Variants in TLR10 observed in about 807,000 individuals in gnomAD.
TLR10 encodes the protein toll like receptor 10.
For missense variants in TLR10, 929 were observed against 932.9 expected (o/e 1.00, Z 0.05); for synonymous variants, 288 against 338.8 (o/e 0.85, Z 1.65).
At chr4:38,781,893 T>C (rs1725436267) in intron 1 of TLR10, among the ~76,000 whole-genome samples, 1 of 152,164 alleles carries the variant, frequency 6.6e-6, no homozygotes, top group Non-Finnish European at 1.5e-5. Flanking sequence ...AATCCCTCAA[T>C]GACTCAACAA....
At position 38,773,117 on chromosome 4, in the gene TLR10, G is replaced by A; in HGVS notation, c.*38C>T. 6.7e-7 allele frequency: 1 copy of A among 1,495,046 alleles called. No homozygotes were observed. The highest frequency in any genetic ancestry group is 8.9e-7 in the Non-Finnish European group (1 of 1,127,236). 92.6% of individuals were successfully genotyped at this position (1,495,046 alleles called of 1,614,324 possible). A position where few individuals can be genotyped will look rare whatever the true frequency, so the allele number is the denominator to read the frequency against. On this transcript the variant is annotated 3_prime_UTR_variant, in exon 4 of 4. Coordinates refer to ENST00000308973, the MANE Select transcript of TLR10 (RefSeq NM_030956.4). ...GGTTGTATCAATGTACATCCCAACAGTGTATGTGGTCCCCAACTTCCCAAG... is the reference window on the plus strand; with the variant it reads ...GGTTGTATCAATGTACATCCCAACAATGTATGTGGTCCCCAACTTCCCAAG...
chr4:38,774,396 A>C lies in TLR10; in HGVS notation c.1195T>G (p.Leu399Val). Reference protein sequence around the residue: ...LVSCFANNTPLEHLDLSQNLL... With the variant: ...LVSCFANNTPVEHLDLSQNLL... ...TTTTGACTCAGATCCAAGTGTTCCA[A>C]GGGTGTGTTGTTAGCAAAGCAACTT... The change falls in exon 4 of 4, where the codon TTG becomes GTG. Residue 399 changes from leucine to valine, a missense_variant. By Grantham distance (32) the Leu-to-Val change is conservative. Coordinates refer to ENST00000308973, the MANE Select transcript of TLR10 (RefSeq NM_030956.4). The C allele has an allele frequency of 6.2e-7, 1 of 1,613,472 alleles. No homozygotes were observed. The highest frequency in any genetic ancestry group is 8.5e-7 in the Non-Finnish European group (1 of 1,179,828).
chr4:38,778,302 G>A (rs1423868452), intron 1 of TLR10, among the ~76,000 whole-genome samples: 1 of 152,134 alleles, frequency 6.6e-6, no homozygotes, highest in Non-Finnish European at 1.5e-5. Flanking sequence ...GGCTAGGGGA[G>A]GAATAGCATT....
At chr4:38,781,119 C>T (rs569181219) in intron 1 of TLR10, among the ~76,000 whole-genome samples, 1 of 152,258 alleles carries the variant, frequency 6.6e-6, no homozygotes, top group Non-Finnish European at 1.5e-5. Flanking sequence ...CTTAATATAA[C>T]AATAGTAAAG....
rs1724678146 is a variant in TLR10, at chr4:38,772,362, C to T, written c.*793G>A. The T allele has an allele frequency of 6.6e-6, 1 of 152,092 alleles. No homozygotes were observed. The highest frequency in any genetic ancestry group is 1.5e-5 in the Non-Finnish European group (1 of 68,018). The allele number at this position is 152,092 out of a possible 1,614,324, so 9.4% of individuals were successfully genotyped here. ...CAAATGCTCCCTGTAATCCAACCTC[C>T]CAGACCCAAACCACTGTTACTACAT... On this transcript the variant is annotated 3_prime_UTR_variant, in exon 4 of 4. Coordinates refer to ENST00000308973, the MANE Select transcript of TLR10 (RefSeq NM_030956.4).
chr4:38,773,571 G>T lies in TLR10; in HGVS notation c.2020C>A (p.Pro674Thr). 6.2e-7 allele frequency: 1 copy of T among 1,605,998 alleles called. No individual in the cohort carries two copies. Among genetic ancestry groups the T allele is most frequent in the Non-Finnish European group, 8.5e-7 (1 of 1,176,550 alleles). The change falls in exon 4 of 4, where the codon CCT (proline) becomes ACT (threonine). Residue 674 changes from proline (P) to threonine (T), a missense_variant. Pro to Thr is a conservative substitution (Grantham distance 38). Transcript: ENST00000308973. ...LICLYESYFD[P>T]GKSISENIVS... ...ATATTTTCACTAATGCTTTTGCCAG[G>T]GTCAAAGTAGCTTTCATAAAGGCAA...
At position 38,775,893 on chromosome 4, in the gene TLR10, T is replaced by C. The variant is rs1429806811; in HGVS notation, c.-181A>G. On this transcript the variant is annotated 5_prime_UTR_variant, in exon 3 of 4. Coordinates refer to ENST00000308973, the MANE Select transcript of TLR10 (RefSeq NM_030956.4). Reference sequence around the variant, plus strand: ...GGATTCTCAGAGAGGAGAAGCATAATGGACCTTTGGTTTAAGAACTGCATT... The same window carrying C: ...GGATTCTCAGAGAGGAGAAGCATAACGGACCTTTGGTTTAAGAACTGCATT... 2 of 237,882 alleles carry C rather than the reference T, an allele frequency of 8.4e-6. No individual in the cohort carries two copies. Among genetic ancestry groups the C allele is most frequent in the Admixed American group, 4.9e-5 (1 of 20,224 alleles). The allele number at this position is 237,882 out of a possible 1,614,324, so 14.7% of individuals were successfully genotyped here. A position where few individuals can be genotyped will look rare whatever the true frequency, so the allele number is the denominator to read the frequency against.
Position 38,773,064 on chromosome 4 carries a change from A to T in TLR10, c.*91T>A. On this transcript the variant is annotated 3_prime_UTR_variant, in exon 4 of 4. Transcript: ENST00000308973. The stretch of plus-strand genomic sequence containing the variant: ...AAGGGAATAACCATTTTTTATTTTA[A>T]TAAATATTGTCAAATTGCCATCATA... 8.1e-7 allele frequency: 1 copy of T among 1,238,582 alleles called. No homozygotes were observed. 76.7% of individuals were successfully genotyped at this position (1,238,582 alleles called of 1,614,324 possible). A position where few individuals can be genotyped will look rare whatever the true frequency, so the allele number is the denominator to read the frequency against.
Position 38,773,394 on chromosome 4 carries a change from T to C in TLR10, c.2197A>G (p.Ile733Val), listed in dbSNP as rs553174801. Residue 733 changes from isoleucine to valine, a missense_variant, in exon 4 of 4, where the codon ATT becomes GTT. Ile to Val is a conservative substitution (Grantham distance 29). Coordinates refer to ENST00000308973, the MANE Select transcript of TLR10 (RefSeq NM_030956.4). ...DHIILILLEPIPFYCIPTRYH... is the reference protein window; with the variant it reads ...DHIILILLEPVPFYCIPTRYH... ...CTGGTGGGAATGCAATAGAATGGAA[T>C]GGGTTCCAGTAAGATAAGAATTATA... 1 of 1,613,792 alleles carries C rather than the reference T, an allele frequency of 6.2e-7. No homozygotes were observed. The highest frequency in any genetic ancestry group is 1.3e-5 in the African/African-American group (1 of 74,918).
At chr4:38,778,518 C>A (rs1161640963) in intron 1 of TLR10, among the ~76,000 whole-genome samples, 1 of 152,100 alleles carries the variant, frequency 6.6e-6, no homozygotes, top group East Asian at 1.9e-4. Context: ...ACAAGGCTGG[C>A]AGGGAAGACT....
In TLR10 at chr4:38,774,999, G is replaced by A; in HGVS notation, c.592C>T (p.Pro198Ser). The A allele has an allele frequency of 6.2e-7, 1 of 1,613,202 alleles. No individual in the cohort carries two copies. Among genetic ancestry groups the A allele is most frequent in the Non-Finnish European group, 8.5e-7 (1 of 1,179,776 alleles). ...LNTTKLHIVL[P>S]MDTNFWVLLR... ...AGAACCCAGAAATTTGTGTCCATTG[G>A]TAAAACAATGTGCAGTTTTGTTGTG... The change falls in exon 4 of 4, where the codon CCA becomes TCA. Residue 198 changes from proline to serine, a missense_variant. Physicochemically the swap from Pro to Ser is moderately conservative, Grantham distance 74. Coordinates refer to ENST00000308973, the MANE Select transcript of TLR10 (RefSeq NM_030956.4).
At chr4:38,780,871 C>T (rs1453626290) in intron 1 of TLR10, among the ~76,000 whole-genome samples, 2 of 152,124 alleles carry the variant, frequency 1.3e-5, no homozygotes, top group African/African-American at 4.8e-5. Flanking sequence ...ATTAGGTTGA[C>T]AAAGGTGCTT....
chr4:38,778,216 A>C (rs1725178547), intron 1 of TLR10, among the ~76,000 whole-genome samples: 1 of 152,080 alleles, frequency 6.6e-6, no homozygotes, highest in Admixed American at 6.6e-5. Context: ...ACCAAACACC[A>C]CATGTTCTCA....
chr4:38,772,884 G>T lies in TLR10; in HGVS notation c.*271C>A. On this transcript the variant is annotated 3_prime_UTR_variant, in exon 4 of 4. Coordinates refer to ENST00000308973, the MANE Select transcript of TLR10 (RefSeq NM_030956.4). Reference sequence around the variant, plus strand: ...GGGTCACCCACCTTGGCCTCCCATAGTGCTGGGATTACAAGAGTGAGCCAC... The same window carrying T: ...GGGTCACCCACCTTGGCCTCCCATATTGCTGGGATTACAAGAGTGAGCCAC... 4.6e-6 allele frequency: 1 copy of T among 215,224 alleles called. No individual in the cohort carries two copies. Among genetic ancestry groups the T allele is most frequent in the Admixed American group, 5.5e-5 (1 of 18,108 alleles). The allele number at this position is 215,224 out of a possible 1,614,324, so 13.3% of individuals were successfully genotyped here.
rs543357011 is a variant in TLR10 at position 38,782,235 on chromosome 4, A to G, written c.-569+686T>C. Among the ~76,000 whole-genome samples, 4 of 152,328 alleles carry G rather than the reference A, an allele frequency of 2.6e-5. No homozygotes were observed. In the South Asian group the frequency reaches 8.3e-4, roughly 32 times the overall value. ...TGGGACACTCTGCTAGGTGCCACAA[A>G]GTTCAAGAGACTTTGCCTACATGTA... On this transcript the variant is annotated intron_variant, in intron 1 of 3. Transcript: ENST00000308973.
rs761369746 is a variant in TLR10 at position 38,774,560 on chromosome 4, G to A, written c.1031C>T (p.Pro344Leu). The change falls in exon 4 of 4, where the codon CCG becomes CTG. Residue 344 changes from proline to leucine, a missense_variant. Pro to Leu is a moderately conservative substitution (Grantham distance 98, BLOSUM62 -3). Coordinates refer to ENST00000308973, the MANE Select transcript of TLR10 (RefSeq NM_030956.4). ...ATATTGGAATTTCGTAGGATAATTC[G>A]GGAAAAGCATGTGTGGCATTTGTGC... ...SNAQMPHMLFPNYPTKFQYLN... is the reference protein window; with the variant it reads ...SNAQMPHMLFLNYPTKFQYLN... 3.8e-5 allele frequency: 60 copies of A among 1,593,474 alleles called. 1 individual carries two copies. The highest frequency in any genetic ancestry group is 1.7e-4 in the Middle Eastern group (1 of 5,956).
chr4:38,775,718 C>CA (rs1194779861), intron 3 of TLR10, 57 bp downstream of exon 3: 81 of 993,424 alleles, frequency 8.2e-5, no homozygotes, highest in Middle Eastern at 6.7e-4. Context: ...TTTTTATTTG[C>CA]AAAAAAAATG....
intron 1 of TLR10, among the ~76,000 whole-genome samples, chr4:38,781,788 A>G (rs1460364696): frequency 2.0e-5 from 3 of 152,232 alleles, no homozygotes; most frequent in African/African-American, 4.8e-5. Context: ...TGAATGTTGA[A>G]TGATCTTTGC....
At position 38,782,541 on chromosome 4, in the gene TLR10, G is replaced by A. The variant is rs545717739; in HGVS notation, c.-569+380C>T. Among the ~76,000 whole-genome samples the A allele has an allele frequency of 5.9e-5, 9 of 152,306 alleles. No homozygotes were observed. In the South Asian group the frequency reaches 1.9e-3, roughly 32 times the overall value. ...CACAAATGCAGAACTTTTCAACGGG[G>A]TAAAGGAGCAACAAATATGCCTTAA... On this transcript the variant is annotated intron_variant, in intron 1 of 3. Coordinates refer to ENST00000308973, the MANE Select transcript of TLR10 (RefSeq NM_030956.4).
Sources: allele counts gnomAD v4.1 joint callset (sites outside exome capture counted in the v4.1 genomes callset), GRCh38; gene constraint gnomAD v4.1.1; transcripts MANE v1.5; gene names NCBI Gene and HGNC (gene_info 2026-07-23, HGNC 2026-07-21).